BST1: variants seen among roughly 807,000 people sequenced by gnomAD.
BST1 encodes the protein bone marrow stromal cell antigen 1.
In BST1, 49 loss-of-function variants were observed where a neutral mutation model predicts 40.6. The observed-to-expected ratio is 1.21, with a 90% CI of 0.96 to 1.53. The LOEUF is 1.53. Ranked by LOEUF, BST1 falls within the 40% of genes most tolerant of loss-of-function variation. The pLI, the probability that BST1 is intolerant of heterozygous loss-of-function variation, is 0.00. For missense variants in BST1, 423 were observed against 395.9 expected, an observed-to-expected ratio of 1.07 and a Z score of -0.58; for synonymous variants, 157 against 159.3, an observed-to-expected ratio of 0.99 and a Z score of 0.11.
chr4:15,722,911 C>G lies in BST1; in HGVS notation c.828C>G (p.Thr276=). 5 of 1,613,724 alleles carry G rather than the reference C, an allele frequency of 3.1e-6. No individual in the cohort carries two copies. Among genetic ancestry groups the G allele is most frequent in the Middle Eastern group, 1.7e-4 (1 of 6,060 alleles). The change falls in exon 8 of 9, where the codon ACC becomes ACG. Residue 276 remains threonine, a synonymous_variant. Coordinates refer to ENST00000265016, the MANE Select transcript of BST1 (RefSeq NM_004334.3). ...VKLLQCVDHS[T]HPDCALKSAA... ...TCTTACAGTGCGTGGACCACAGCAC[C>G]CATCCTGACTGTGCCTTAAAGTCGT...
chr4:15,731,310 C>T (rs1305957647), intron 8 of BST1: 2 of 513,806 alleles, frequency 3.9e-6, no homozygotes, highest in Non-Finnish European at 7.0e-6. Context: ...ATGCATCATA[C>T]TCTTGGCCAG....
the BST1 span, among the ~76,000 whole-genome samples, chr4:15,759,745 T>C: frequency 6.6e-6 from 1 of 151,850 alleles, no homozygotes; most frequent in South Asian, 2.1e-4. Flanking sequence ...ACTATTTAGT[T>C]GGATATTACC....
At chr4:15,770,899 G>A in the BST1 span, among the ~76,000 whole-genome samples, 1 of 152,122 alleles carries the variant, frequency 6.6e-6, no homozygotes, top group Non-Finnish European at 1.5e-5. Context: ...CAGCCTGTTC[G>A]ACAGATGAGA....
At chr4:15,708,293 G>A (rs2148879387) in intron 3 of BST1, among the ~76,000 whole-genome samples, 1 of 152,282 alleles carries the variant, frequency 6.6e-6, no homozygotes, top group East Asian at 1.9e-4. Flanking sequence ...ACAAGAGCTG[G>A]CCTGAATGTT....
chr4:15,705,456 C>A, intron 1 of BST1, 59 bp from the exon 2 acceptor site: 1 of 1,511,010 alleles, frequency 6.6e-7, no homozygotes, highest in Non-Finnish European at 8.8e-7. Context: ...AATGGGCATA[C>A]TTCACAACAC....
At chr4:15,730,064 T>C (rs1721298224) in intron 8 of BST1, among the ~76,000 whole-genome samples, 1 of 152,224 alleles carries the variant, frequency 6.6e-6, no homozygotes, top group Non-Finnish European at 1.5e-5. Flanking sequence ...GAATCGAGTC[T>C]GGGACATTAA....
downstream of BST1, chr4:15,735,909 T>C: frequency 2.9e-6 from 1 of 343,900 alleles, no homozygotes; most frequent in Non-Finnish European, 5.4e-6. Flanking sequence ...TTTTCCCGAA[T>C]ATAAGAGTAA....
intron 8 of BST1, chr4:15,731,409 T>G: frequency 1.6e-6 from 1 of 612,206 alleles, no homozygotes; most frequent in African/African-American, 1.9e-5. Context: ...CTTGTCACGG[T>G]GCTGCTGGTT....
At chr4:15,772,377 G>C in the BST1 span, among the ~76,000 whole-genome samples, 1 of 152,156 alleles carries the variant, frequency 6.6e-6, no homozygotes, top group African/African-American at 2.4e-5. Flanking sequence ...ACACAGCAAG[G>C]TCAGAAATTA....
chr4:15,707,005 CT>C (rs1191094103), intron 2 of BST1, among the ~76,000 whole-genome samples: 1 of 152,130 alleles, frequency 6.6e-6, no homozygotes, highest in Non-Finnish European at 1.5e-5. Context: ...ATGGTGGAAA[CT>C]ATAAAGTATA....
chr4:15,713,183 G>A (rs1720310779), intron 4 of BST1, among the ~76,000 whole-genome samples: 1 of 148,388 alleles, frequency 6.7e-6, no homozygotes, highest in Non-Finnish European at 1.5e-5. Context: ...AATGTTAGCA[G>A]TCATTATTTT....
intron 7 of BST1, among the ~76,000 whole-genome samples, chr4:15,719,205 C>T (rs1000808661): frequency 6.6e-6 from 1 of 151,948 alleles, no homozygotes; most frequent in Non-Finnish European, 1.5e-5. Context: ...CGGCACTGGA[C>T]GTTTAAAGAA....
chr4:15,751,988 T>C, the BST1 span, among the ~76,000 whole-genome samples: 4 of 152,178 alleles, frequency 2.6e-5, no homozygotes, highest in African/African-American at 9.7e-5. Context: ...TTTATAAACA[T>C]GCTAAGGAGA....
chr4:15,720,414 C>T (rs929450901), intron 7 of BST1, among the ~76,000 whole-genome samples: 4 of 151,774 alleles, frequency 2.6e-5, no homozygotes, highest in Non-Finnish European at 5.9e-5. Context: ...GTCAGGAGTT[C>T]GAGACCAGCC....
chr4:15,743,527 A>G, the BST1 span: 1 of 353,452 alleles, frequency 2.8e-6, no homozygotes, highest in Non-Finnish European at 5.6e-6. Context: ...CTAGAGCAGA[A>G]TGTTAAGGAA....
rs1721400309 is a variant in BST1 at position 15,732,135 on chromosome 4, C to T, written c.*290C>T. On this transcript the variant is annotated 3_prime_UTR_variant, in exon 9 of 9. Transcript: ENST00000265016. Reference sequence around the variant, plus strand: ...GTCAGACTGCTTGTATATTATCAAACATTTTAAGAGAATTCTAATAAAGCT... The same window carrying T: ...GTCAGACTGCTTGTATATTATCAAATATTTTAAGAGAATTCTAATAAAGCT... The T allele has an allele frequency of 4.4e-6, 5 of 1,134,908 alleles. No individual in the cohort carries two copies. The South Asian group carries it at 1.1e-4, about 25-fold the overall frequency. The allele number at this position is 1,134,908 out of a possible 1,614,324, so 70.3% of individuals were successfully genotyped here.
Position 15,711,852 on chromosome 4 carries a change from A to G in BST1, c.497A>G (p.Asn166Ser), listed in dbSNP as rs201649878. 1.4e-5 allele frequency: 23 copies of G among 1,613,998 alleles called. No homozygotes were observed. The highest frequency in any genetic ancestry group is 1.9e-5 in the Non-Finnish European group (23 of 1,180,000). Residue 166 changes from asparagine (N) to serine (S), a missense_variant, in exon 4 of 9, where the codon AAT becomes AGT. By Grantham distance (46) the Asn-to-Ser change is conservative. Coordinates refer to ENST00000265016, the MANE Select transcript of BST1 (RefSeq NM_004334.3). ...SCPTSEDCEN[N>S]PVDSFWKRAS... ...CCTACATCAGAAGACTGTGAAAATA[A>G]TCCTGTGGATTCCTTTTGGAAAAGG...
At chr4:15,705,727 C>A (rs1577565362) in intron 2 of BST1, 86 bp downstream of exon 2, 1 of 1,503,682 alleles carries the variant, frequency 6.7e-7, no homozygotes, top group Non-Finnish European at 9.2e-7. Context: ...CATTAGCTGT[C>A]CCCTGCATCC....
At chr4:15,722,846 A>G in intron 7 of BST1, 29 bp from the exon 8 acceptor site, 2 of 1,597,430 alleles carry the variant, frequency 1.3e-6, no homozygotes, top group Non-Finnish European at 1.7e-6. Flanking sequence ...TATTTAAATA[A>G]TCCCTTAAAT....
Sources: gnomAD v4.1 joint callset for allele counts (sites outside exome capture counted in the v4.1 genomes callset) on GRCh38, gnomAD v4.1.1 for gene constraint, MANE v1.5 for transcripts, NCBI Gene and HGNC (gene_info 2026-07-23, HGNC 2026-07-21) for gene names.